Variants in NHS observed in about 807,000 individuals in gnomAD.
NHS encodes the protein NHS actin remodeling regulator.
Under a neutral mutation model 72.5 loss-of-function variants are expected in NHS, and 5 were observed. The observed-to-expected ratio is 0.07, with a 90% CI of 0.04 to 0.14. NHS has a LOEUF of 0.14. Among genes scored for constraint, NHS ranks in the 10% least tolerant of loss-of-function variants. NHS has a pLI of 1.00. For missense variants in NHS, 1,072 were observed against 1,355.7 expected, an observed-to-expected ratio of 0.79 and a Z score of 3.29; for synonymous variants, 464 against 547.7, an observed-to-expected ratio of 0.85 and a Z score of 2.13.
At chrX:17,592,414 T>C (rs761132436) in intron 1 of NHS, among the ~76,000 whole-genome samples, 7 of 111,902 alleles carry the variant, frequency 6.3e-5, no homozygotes, top group African/African-American at 2.3e-4. Flanking sequence ...AATGTTCCAT[T>C]GAGAGGTAAT....
At chrX:17,397,650 A>T (rs1346420625) in intron 1 of NHS, among the ~76,000 whole-genome samples, 1 of 112,360 alleles carries the variant, frequency 8.9e-6, no homozygotes, top group Non-Finnish European at 1.9e-5. Flanking sequence ...CCTTCTGCTC[A>T]TGGAGAAGGC....
intron 1 of NHS, among the ~76,000 whole-genome samples, chrX:17,484,968 T>C (rs185800239): frequency 8.1e-5 from 9 of 111,768 alleles, no homozygotes; most frequent in African/African-American, 2.9e-4. Context: ...CAGCATTAGA[T>C]TGGAGTGATT....
intron 1 of NHS, among the ~76,000 whole-genome samples, chrX:17,561,638 AC>A (rs1462938804): frequency 1.0e-5 from 1 of 99,563 alleles, no homozygotes; most frequent in Non-Finnish European, 2.0e-5. Context: ...TTCCCAAGGT[AC>A]TGGCTTGGCT....
chrX:17,489,033 C>T lies in NHS; in HGVS notation c.565+112711C>T, dbSNP rs1375729254. ...TTCAACTCCTACTTATGAGTGAGAA[C>T]ATGTGGTGTTTGGTTTTCTGTTCCT... On this transcript the variant is annotated intron_variant, in intron 1 of 8. Coordinates refer to ENST00000676302, the MANE Select transcript of NHS (RefSeq NM_001291867.2). 6.3e-5 allele frequency among the ~76,000 whole-genome samples: 7 copies of T among 111,572 alleles called. No individual in the cohort carries two copies. The Admixed American group carries it at 6.7e-4, about 11-fold the overall frequency.
intron 1 of NHS, among the ~76,000 whole-genome samples, chrX:17,526,156 C>T (rs113110330): frequency 0.021 from 2,319 of 112,964 alleles, 67 homozygotes; most frequent in African/African-American, 0.07. Flanking sequence ...TTGAATGTTA[C>T]ACCTTTGCTA....
intron 1 of NHS, among the ~76,000 whole-genome samples, chrX:17,524,995 C>T (rs984600867): frequency 2.7e-5 from 3 of 111,636 alleles, no homozygotes; most frequent in Non-Finnish European, 3.8e-5. Context: ...CTAAGCCTGC[C>T]GATCTTAGTA....
At chrX:17,395,055 G>T (rs1261477049) in intron 1 of NHS, among the ~76,000 whole-genome samples, 6 of 110,283 alleles carry the variant, frequency 5.4e-5, no homozygotes. Flanking sequence ...TTCAGTTTGG[G>T]CACCTCCTCT....
At chrX:17,547,689 G>A (rs1316852270) in intron 1 of NHS, among the ~76,000 whole-genome samples, 2 of 112,834 alleles carry the variant, frequency 1.8e-5, no homozygotes, top group African/African-American at 6.4e-5. Flanking sequence ...AGTGTTAGAG[G>A]TGGTGGCTAT....
At chrX:17,408,008 TTTG>T (rs748327064) in intron 1 of NHS, among the ~76,000 whole-genome samples, 10 of 110,995 alleles carry the variant, frequency 9.0e-5, no homozygotes, top group Non-Finnish European at 1.3e-4. Context: ...TATATGTATT[TTTG>T]TTGTTGTTGT....
chrX:17,731,969 C>G lies in NHS; in HGVS notation c.4461C>G (p.Pro1487=). 1 of 1,211,751 alleles carries G rather than the reference C, an allele frequency of 8.3e-7. No individual in the cohort carries two copies. Among genetic ancestry groups the G allele is most frequent in the Middle Eastern group, 2.3e-4 (1 of 4,353 alleles). Residue 1487 remains proline (P), a synonymous_variant, in exon 9 of 9, where the codon CCC becomes CCG. Transcript: ENST00000676302. ...SSSSASSITS[P]SSNVTTPNSQ... is the part of the protein sequence containing the mutation. Reference sequence around the variant, plus strand: ...GCAGCGCCAGTTCCATCACTTCACCCAGCAGTAATGTGACAACCCCCAACA... The same window carrying G: ...GCAGCGCCAGTTCCATCACTTCACCGAGCAGTAATGTGACAACCCCCAACA...
At chrX:17,635,720 C>A in intron 1 of NHS, 1 of 748,988 alleles carries the variant, frequency 1.3e-6, no homozygotes, top group Non-Finnish European at 1.9e-6. Context: ...CTATGTTTCC[C>A]AATGAAAGTG....
chrX:17,477,796 G>C (rs1183561067), intron 1 of NHS, among the ~76,000 whole-genome samples: 1 of 112,145 alleles, frequency 8.9e-6, no homozygotes, highest in Non-Finnish European at 1.9e-5. Context: ...CTAATTTCAA[G>C]GGATGGAGAA....
At chrX:17,673,900 TC>T (rs2066064629) in intron 1 of NHS, among the ~76,000 whole-genome samples, 1 of 112,370 alleles carries the variant, frequency 8.9e-6, no homozygotes, top group Non-Finnish European at 1.9e-5. Context: ...TGTTACCTCT[TC>T]CCTGCACCCC....
intron 1 of NHS, among the ~76,000 whole-genome samples, chrX:17,431,178 T>C (rs1312510640): frequency 8.9e-6 from 1 of 111,937 alleles, no homozygotes; most frequent in Non-Finnish European, 1.9e-5. Flanking sequence ...TTTTTATGAG[T>C]GTAACAAGTT....
intron 3 of NHS, among the ~76,000 whole-genome samples, chrX:17,693,462 C>T (rs190052257): frequency 1.9e-4 from 21 of 112,020 alleles, no homozygotes; most frequent in Admixed American, 1.7e-3. Flanking sequence ...AGTGTGGGTA[C>T]GAGTTAAGGT....
At chrX:17,681,849 C>G (rs1349748722) in intron 1 of NHS, among the ~76,000 whole-genome samples, 4 of 111,967 alleles carry the variant, frequency 3.6e-5, no homozygotes, top group African/African-American at 9.8e-5. Flanking sequence ...ATATGTTCTC[C>G]TGTTCTGTAA....
At chrX:17,610,050 G>A (rs1166662944) in intron 1 of NHS, among the ~76,000 whole-genome samples, 1 of 112,151 alleles carries the variant, frequency 8.9e-6, no homozygotes, top group Non-Finnish European at 1.9e-5. Context: ...GAGCATGAAG[G>A]CTTTTCTCTT....
intron 1 of NHS, among the ~76,000 whole-genome samples, chrX:17,475,222 A>G (rs2146905811): frequency 8.9e-6 from 1 of 112,409 alleles, no homozygotes; most frequent in Non-Finnish European, 1.9e-5. Context: ...GGAAGTGTGG[A>G]GAAGGATGAG....
chrX:17,661,394 G>A (rs1000292471), intron 1 of NHS, among the ~76,000 whole-genome samples: 2 of 110,725 alleles, frequency 1.8e-5, no homozygotes, highest in Non-Finnish European at 3.8e-5. Flanking sequence ...CATACATTAG[G>A]TATTTCTCCT....
Sources: allele counts gnomAD v4.1 joint callset (sites outside exome capture counted in the v4.1 genomes callset), GRCh38; gene constraint gnomAD v4.1.1; transcripts MANE v1.5; gene names NCBI Gene and HGNC (gene_info 2026-07-23, HGNC 2026-07-21).